SWT1: variants seen among roughly 807,000 people sequenced by gnomAD.
The protein encoded by SWT1 is SWT1 RNA endoribonuclease homolog.
A neutral mutation model predicts 107.3 loss-of-function variants in SWT1; 33 were observed. The ratio of observed to expected loss-of-function variants is 0.31; its 90% CI spans 0.23 to 0.41. The LOEUF is 0.41. Among genes scored for constraint, SWT1 ranks in the 10% least tolerant of loss-of-function variants. The pLI, the probability that SWT1 is intolerant of heterozygous loss-of-function variation, is 1.00. For missense variants in SWT1, 898 were observed against 1,028.9 expected (o/e 0.87, Z 1.74); for synonymous variants, 345 against 348.3 (o/e 0.99, Z 0.11).
intron 9 of SWT1, among the ~76,000 whole-genome samples, chr1:185,187,496 TG>T: frequency 6.6e-6 from 1 of 152,320 alleles, no homozygotes; most frequent in Non-Finnish European, 1.5e-5. Flanking sequence ...GCCAAGTATT[TG>T]TACCAGACAC....
rs777568124 is a variant in SWT1 at position 185,174,401 on chromosome 1, G to T, written c.254G>T (p.Arg85Met). Residue 85 changes from arginine (R) to methionine (M), a missense_variant, in exon 5 of 19, where the codon AGG (arginine) becomes ATG (methionine). By Grantham distance (91) the Arg-to-Met change is moderately conservative (BLOSUM62 -1). This residue lies in a region of SWT1 where 382 missense variants were observed against 362.4 expected (regional missense o/e 1.05). Coordinates refer to ENST00000367500, the MANE Select transcript of SWT1 (RefSeq NM_017673.7). The stretch of plus-strand genomic sequence containing the variant: ...AGTGTAGAAATTGACACTCTCAGAA[G>T]GAGACCAAAAATCGGTTCTTCATCC... ...RLSVEIDTLR[R>M]RPKIGSSSQR... 8.9e-6 allele frequency: 14 copies of T among 1,578,462 alleles called. No individual in the cohort carries two copies. The Admixed American group carries it at 1.6e-4, about 17-fold the overall frequency.
intron 11 of SWT1, among the ~76,000 whole-genome samples, chr1:185,204,154 G>T (rs922109198): frequency 6.6e-6 from 1 of 151,868 alleles, no homozygotes; most frequent in Admixed American, 6.6e-5. Context: ...AAAATATTCC[G>T]TTTTTGCCAG....
At chr1:185,203,069 CACTGTGTACATGCTAATTTGT>C (rs1261386849) in intron 11 of SWT1, among the ~76,000 whole-genome samples, 4 of 152,286 alleles carry the variant, frequency 2.6e-5, no homozygotes, top group African/African-American at 7.2e-5. Context: ...ACATTATAAT[CACTGTGTACATGCTAATTTGT>C]ACCTTGCAGA....
Position 185,214,666 on chromosome 1 carries a change from T to C in SWT1, c.2121+11T>C. On this transcript the variant is annotated intron_variant, in intron 14 of 18. Coordinates refer to ENST00000367500, the MANE Select transcript of SWT1 (RefSeq NM_017673.7). Reference sequence around the variant, plus strand: ...CAGACATTTGCAGAGGTAAGATGCCTTTGGAATGCCAGTTAGAGTAGCTAA... The same window carrying C: ...CAGACATTTGCAGAGGTAAGATGCCCTTGGAATGCCAGTTAGAGTAGCTAA... 2 of 1,597,200 alleles carry C rather than the reference T, an allele frequency of 1.3e-6. No homozygotes were observed. The highest frequency in any genetic ancestry group is 1.7e-6 in the Non-Finnish European group (2 of 1,173,750).
chr1:185,203,701 T>C (rs1658075940), intron 11 of SWT1, among the ~76,000 whole-genome samples: 1 of 152,152 alleles, frequency 6.6e-6, no homozygotes, highest in Non-Finnish European at 1.5e-5. Flanking sequence ...AGCTTGATAT[T>C]TGAAGAAATA....
At position 185,285,326 on chromosome 1, in the gene SWT1, C is replaced by T. The variant is rs1055986865; in HGVS notation, c.2574-5348C>T. Among the ~76,000 whole-genome samples, 6 of 152,100 alleles carry T rather than the reference C, an allele frequency of 3.9e-5. No individual in the cohort carries two copies. The South Asian group carries it at 6.2e-4, about 16-fold the overall frequency. The stretch of plus-strand genomic sequence containing the variant: ...GAGAACTAGCACCTCTCATTTTGCC[C>T]CTTGCTTATACTGTGGCAAGAAGTG... On this transcript the variant is annotated intron_variant, in intron 18 of 18. Transcript: ENST00000367500.
chr1:185,190,417 C>T, intron 9 of SWT1, 132 bp from the exon 10 acceptor site: 1 of 582,014 alleles, frequency 1.7e-6, no homozygotes, highest in Admixed American at 2.9e-5. Flanking sequence ...CGTGTGTCCA[C>T]CATCATAGTA....
chr1:185,160,722 A>G, intron 1 of SWT1, 111 bp from the exon 2 acceptor site: 1 of 751,894 alleles, frequency 1.3e-6, no homozygotes, highest in Non-Finnish European at 2.1e-6. Flanking sequence ...AAAATAAAAT[A>G]AAAAGTGATC....
At chr1:185,172,635 A>T (rs886777183) in intron 4 of SWT1, among the ~76,000 whole-genome samples, 2 of 152,104 alleles carry the variant, frequency 1.3e-5, no homozygotes, top group African/African-American at 4.8e-5. Context: ...TTATATTCAC[A>T]TTTCTTTGTG....
intron 15 of SWT1, 36 bp from the exon 16 acceptor site, chr1:185,231,541 G>A (rs1660506216): frequency 6.7e-7 from 1 of 1,484,826 alleles, no homozygotes; most frequent in Non-Finnish European, 9.3e-7. Context: ...AAATATGTAT[G>A]TATACCTATG....
chr1:185,289,559 A>G (rs946250305), intron 18 of SWT1, among the ~76,000 whole-genome samples: 1 of 152,204 alleles, frequency 6.6e-6, no homozygotes, highest in African/African-American at 2.4e-5. Flanking sequence ...TCTGCACTCC[A>G]ATGTTCATTG....
At position 185,244,087 on chromosome 1, in the gene SWT1, T is replaced by C. The variant is rs1039515195; in HGVS notation, c.2441+12379T>C. Among the ~76,000 whole-genome samples, 9 of 152,158 alleles carry C rather than the reference T, an allele frequency of 5.9e-5. No homozygotes were observed. The East Asian group carries it at 1.4e-3, about 23-fold the overall frequency. ...CACTCATACATCTCTCTCTCTTTTTTAATATATATAATTCTTTTTCTTAAA... is the reference window on the plus strand; with the variant it reads ...CACTCATACATCTCTCTCTCTTTTTCAATATATATAATTCTTTTTCTTAAA... On this transcript the variant is annotated intron_variant, in intron 16 of 18. Coordinates refer to ENST00000367500, the MANE Select transcript of SWT1 (RefSeq NM_017673.7).
intron 15 of SWT1, among the ~76,000 whole-genome samples, chr1:185,229,851 C>T (rs1205314866): frequency 2.6e-5 from 4 of 152,036 alleles, no homozygotes; most frequent in Middle Eastern, 3.4e-3. Flanking sequence ...ATAGCAAATG[C>T]ACACACACAA....
intron 16 of SWT1, chr1:185,258,003 A>T (rs533895985): frequency 6.6e-6 from 1 of 152,132 alleles, no homozygotes; most frequent in Admixed American, 6.5e-5. Flanking sequence ...ATGCCACTAC[A>T]CTTGGATCAG....
chr1:185,258,341 C>A (rs1662770496), intron 16 of SWT1, among the ~76,000 whole-genome samples: 1 of 152,154 alleles, frequency 6.6e-6, no homozygotes, highest in South Asian at 2.1e-4. Flanking sequence ...TAAATCACCA[C>A]TCCAAATTAT....
chr1:185,160,812 T>C (rs750076149), intron 1 of SWT1, 21 bp from the exon 2 acceptor site: 6 of 1,561,182 alleles, frequency 3.8e-6, no homozygotes, highest in Middle Eastern at 1.7e-4. Context: ...ACAAATCCTA[T>C]ATTTTTAATG....
At position 185,204,816 on chromosome 1, in the gene SWT1, A is replaced by G. The variant is rs771513128; in HGVS notation, c.1786A>G (p.Ile596Val). The change falls in exon 12 of 19, where the codon ATA (isoleucine) becomes GTA (valine). Residue 596 changes from isoleucine (I) to valine (V), a missense_variant. Around this residue, in one of 6 missense-constraint regions of SWT1, gnomAD observed 382 missense variants for 460.0 expected, o/e 0.83. Coordinates refer to ENST00000367500, the MANE Select transcript of SWT1 (RefSeq NM_017673.7). The part of the protein sequence containing the change: ...EKSLGTGLSS[I>V]LETEMKIAFG... Reference sequence around the variant, plus strand: ...ATCTCTTGGAACAGGTTTATCTTCAATATTAGAAACAGAAATGAAAATTGC... The same window carrying G: ...ATCTCTTGGAACAGGTTTATCTTCAGTATTAGAAACAGAAATGAAAATTGC... The G allele has an allele frequency of 2.1e-5, 33 of 1,590,216 alleles. No individual in the cohort carries two copies. Among genetic ancestry groups the G allele is most frequent in the Non-Finnish European group, 2.6e-5 (31 of 1,170,282 alleles).
intron 14 of SWT1, among the ~76,000 whole-genome samples, chr1:185,217,619 A>G (rs1484008143): frequency 6.7e-6 from 1 of 149,754 alleles, no homozygotes; most frequent in Non-Finnish European, 1.5e-5. Context: ...CTTCCTCTCT[A>G]GAGTTCTCTG....
At chr1:185,213,488 A>G (rs1018513112) in intron 13 of SWT1, among the ~76,000 whole-genome samples, 2 of 152,204 alleles carry the variant, frequency 1.3e-5, no homozygotes, top group Non-Finnish European at 2.9e-5. Flanking sequence ...AATTATTAAG[A>G]TATAGTTTTT....
Sources: gnomAD v4.1 joint callset for allele counts (sites outside exome capture counted in the v4.1 genomes callset) on GRCh38, gnomAD v4.1.1 for gene constraint, gnomAD v4.1.1 regional missense constraint, MANE v1.5 for transcripts, NCBI Gene and HGNC (gene_info 2026-07-23, HGNC 2026-07-21) for gene names.